UNC79: variants seen among roughly 807,000 people sequenced by gnomAD.
UNC79 encodes protein unc-79 homolog.
In UNC79, 37 loss-of-function variants were observed where a neutral mutation model predicts 283.1. That is an observed-to-expected ratio of 0.13 (90% confidence interval 0.10 to 0.17). The LOEUF (loss-of-function observed/expected upper bound fraction) is 0.17. Among genes scored for constraint, UNC79 ranks in the 10% least tolerant of loss-of-function variants. UNC79 has a pLI of 1.00. For missense variants in UNC79, 2,272 were observed against 3,211.1 expected (o/e 0.71, Z 7.07); for synonymous variants, 1,107 against 1,200.2 (o/e 0.92, Z 1.61).
intron 3 of UNC79, among the ~76,000 whole-genome samples, chr14:93,475,986 G>C (rs895161053): frequency 1.3e-5 from 2 of 152,142 alleles, no homozygotes; most frequent in African/African-American, 4.8e-5. Flanking sequence ...CTAATGAATG[G>C]TTCAGAGAAA....
intron 14 of UNC79, among the ~76,000 whole-genome samples, chr14:93,570,553 G>A (rs2063152809): frequency 6.6e-6 from 1 of 152,196 alleles, no homozygotes; most frequent in Admixed American, 6.5e-5. Context: ...CCATGTGCAG[G>A]AGGAAGGTGG....
chr14:93,690,208 G>A lies in UNC79; in HGVS notation c.7177G>A (p.Ala2393Thr), dbSNP rs764602432. 3.7e-5 allele frequency: 59 copies of A among 1,614,120 alleles called. No individual in the cohort carries two copies. The highest frequency in any genetic ancestry group is 5.0e-5 in the Non-Finnish European group (59 of 1,180,034). The change falls in exon 45 of 49, where the codon GCC becomes ACC. Residue 2393 changes from alanine (A) to threonine (T), a missense_variant. This residue lies in a region of UNC79 where 225 missense variants were observed against 334.2 expected (regional missense o/e 0.67). Transcript: ENST00000555664. The surrounding 1 kb of genome is among the most constrained non-coding windows in gnomAD (Gnocchi z 4.3). ...CACTCACAATGCAGTGTGCCCAAAT[G>A]CCTCCTCTCCCTGCCTGCCCATTCC...
At chr14:93,687,723 G>A (rs766534370) in intron 43 of UNC79, among the ~76,000 whole-genome samples, 2 of 152,070 alleles carry the variant, frequency 1.3e-5, no homozygotes, top group African/African-American at 2.4e-5. Context: ...CTCCCCTGTC[G>A]TTCGCTCCTG....
At chr14:93,674,023 T>C (rs2073121966) in intron 41 of UNC79, among the ~76,000 whole-genome samples, 1 of 152,136 alleles carries the variant, frequency 6.6e-6, no homozygotes, top group Non-Finnish European at 1.5e-5. Context: ...TGGCAACAAT[T>C]ATGCTTTTGG....
chr14:93,659,128 T>C (rs1045214920), intron 38 of UNC79, 65 bp from the exon 42 acceptor site: 2 of 1,328,094 alleles, frequency 1.5e-6, no homozygotes, highest in African/African-American at 2.9e-5. Flanking sequence ...TTTCAGAACA[T>C]ATTTGAAGCA....
chr14:93,396,951 A>G (rs922231753), intron 1 of UNC79, among the ~76,000 whole-genome samples: 1 of 152,046 alleles, frequency 6.6e-6, no homozygotes, highest in South Asian at 2.1e-4. Flanking sequence ...ACCACTGAGT[A>G]TGGGCACAGG....
At chr14:93,706,985 T>C (rs1436145730), downstream of UNC79, 11 of 1,518,560 alleles carry the variant, frequency 7.2e-6, no homozygotes, top group Admixed American at 1.8e-4. Context: ...CCAAGCAGGT[T>C]GGGGAACATA....
At chr14:93,656,788 T>C (rs1409382477) in intron 38 of UNC79, among the ~76,000 whole-genome samples, 1 of 152,202 alleles carries the variant, frequency 6.6e-6, no homozygotes, top group African/African-American at 2.4e-5. Context: ...TAATGAGCCA[T>C]ATTTGTGCCA....
chr14:93,512,479 C>T (rs1300180248), intron 7 of UNC79, among the ~76,000 whole-genome samples: 1 of 152,002 alleles, frequency 6.6e-6, no homozygotes, highest in Non-Finnish European at 1.5e-5. Context: ...GGTATTTATT[C>T]TGCCATTTCT....
intron 40 of UNC79, among the ~76,000 whole-genome samples, chr14:93,664,791 G>A (rs934529483): frequency 6.6e-6 from 1 of 152,092 alleles, no homozygotes; most frequent in African/African-American, 2.4e-5. Flanking sequence ...TTAGTGCTTA[G>A]TAAGTAATAA....
intron 1 of UNC79, among the ~76,000 whole-genome samples, chr14:93,408,066 C>T (rs564168743): frequency 1.3e-5 from 2 of 152,250 alleles, no homozygotes; most frequent in South Asian, 2.1e-4. Flanking sequence ...CAAAAAATTA[C>T]AAGGCATAAT....
At chr14:93,660,104 C>A (rs1004873895) in intron 39 of UNC79, among the ~76,000 whole-genome samples, 12 of 152,206 alleles carry the variant, frequency 7.9e-5, no homozygotes, top group African/African-American at 2.2e-4. Context: ...ACTGCATTCG[C>A]TGCAGTGGTA....
chr14:93,586,754 G>A lies in UNC79; in HGVS notation c.2884-6G>A, dbSNP rs751455620. On this transcript the variant is annotated splice_region_variant and splice_polypyrimidine_tract_variant and intron_variant, in intron 21 of 48. Transcript: ENST00000555664. Reference sequence around the variant, plus strand: ...TAACTTAGTAACCATGTGGTTTTTTGTATAGGAAATGGCTAAGTTTGAAGA... The same window carrying A: ...TAACTTAGTAACCATGTGGTTTTTTATATAGGAAATGGCTAAGTTTGAAGA... 1.2e-6 allele frequency: 2 copies of A among 1,612,590 alleles called. No individual in the cohort carries two copies. Among genetic ancestry groups the A allele is most frequent in the Non-Finnish European group, 1.7e-6 (2 of 1,179,656 alleles).
chr14:93,518,833 G>T (rs1390452243), intron 7 of UNC79, among the ~76,000 whole-genome samples: 1 of 151,730 alleles, frequency 6.6e-6, no homozygotes, highest in Non-Finnish European at 1.5e-5. Context: ...TAAATATTTG[G>T]TAATTTTTCA....
At chr14:93,404,493 A>AAAAAAAAAATATATATAT in intron 1 of UNC79, among the ~76,000 whole-genome samples, 4 of 61,496 alleles carry the variant, frequency 6.5e-5, no homozygotes, top group African/African-American at 1.3e-4. Flanking sequence ...TTCTAAAAAA[A>AAAAAAAAAATATATATAT]ATATATATAT....
At chr14:93,575,293 A>G (rs2141656272) in intron 17 of UNC79, 95 bp downstream of exon 17, 2 of 1,515,864 alleles carry the variant, frequency 1.3e-6, no homozygotes, top group East Asian at 4.6e-5. Flanking sequence ...ATAAGAAACC[A>G]AAAATGTGTT....
At chr14:93,554,715 A>G (rs1301515149) in intron 14 of UNC79, among the ~76,000 whole-genome samples, 1 of 152,194 alleles carries the variant, frequency 6.6e-6, no homozygotes. Context: ...CTGTTTCAAG[A>G]TTAATCTTTC....
rs764857163 is a variant in UNC79 at position 93,622,090 on chromosome 14, A to G, written c.4857A>G (p.Glu1619=). 5.0e-6 allele frequency: 8 copies of G among 1,614,134 alleles called. No homozygotes were observed. In the South Asian group the frequency reaches 8.8e-5, roughly 18 times the overall value. The change falls in exon 30 of 49, where the codon GAA becomes GAG. Residue 1619 remains glutamate (E), a synonymous_variant. Transcript: ENST00000555664. ...CCTCAGATTCAACCTCGGGGCCTGA[A>G]AAACACTCTATACTCTCAACCTCCG... is the stretch of plus-strand genomic sequence containing the variant.
intron 35 of UNC79, among the ~76,000 whole-genome samples, chr14:93,646,887 G>A (rs549598060): frequency 2.0e-5 from 3 of 152,244 alleles, no homozygotes; most frequent in South Asian, 4.1e-4. Flanking sequence ...TGTGCACCAC[G>A]GAGGGAATAT....
Sources: allele counts gnomAD v4.1 joint callset (sites outside exome capture counted in the v4.1 genomes callset), GRCh38; gene constraint gnomAD v4.1.1; regional missense constraint gnomAD v4.1.1; non-coding constraint Gnocchi (gnomAD v3.1); transcripts MANE v1.5; gene names NCBI Gene and HGNC (gene_info 2026-07-23, HGNC 2026-07-21).